The following TMPRSS7 variants were observed in gnomAD, a reference collection of about 807,000 sequenced individuals.
TMPRSS7 encodes the protein transmembrane serine protease 7.
A neutral mutation model predicts 95.6 loss-of-function variants in TMPRSS7; 81 were observed. That is an observed-to-expected ratio of 0.85 (90% CI 0.71 to 1.02). The LOEUF is 1.02. Among genes scored for constraint, TMPRSS7 ranks in the 50% least tolerant of loss-of-function variants. TMPRSS7 has a pLI of 0.00. For synonymous variants in TMPRSS7, 364 were observed against 337.8 expected, an observed-to-expected ratio of 1.08 and a Z score of -0.85; for missense variants, 945 against 955.2, an observed-to-expected ratio of 0.99 and a Z score of 0.14.
chr3:112,046,839 T>C, intron 5 of TMPRSS7, 135 bp from the exon 6 acceptor site: 3 of 638,634 alleles, frequency 4.7e-6, no homozygotes, highest in Non-Finnish European at 8.4e-6. Flanking sequence ...TCATCCTCAC[T>C]GGATTATTTT....
Position 112,038,698 on chromosome 3 carries a change from T to C in TMPRSS7, c.298+377T>C, listed in dbSNP as rs7615871. Among the ~76,000 whole-genome samples, 548 of 152,278 alleles carry C rather than the reference T, an allele frequency of 3.6e-3. 9 individuals carry two copies. The highest frequency in any genetic ancestry group is 0.012 in the African/African-American group (486 of 41,558). On this transcript the variant is annotated intron_variant, in intron 2 of 17. Coordinates refer to ENST00000452346, the Ensembl canonical transcript of TMPRSS7. ...GTTCTCACTATGATGCCCAGGCTGG[T>C]CCCAAACTCCTGTACTCAAACAATC...
intron 17 of TMPRSS7, among the ~76,000 whole-genome samples, chr3:112,080,565 CTA>C (rs776165504): frequency 0.014 from 931 of 68,660 alleles, 6 homozygotes; most frequent in Non-Finnish European, 0.022. Flanking sequence ...ACTACTACTA[CTA>C]CTATTACCAC....
chr3:112,067,562 T>G (rs551659855), intron 13 of TMPRSS7, among the ~76,000 whole-genome samples: 6 of 152,228 alleles, frequency 3.9e-5, no homozygotes, highest in Non-Finnish European at 7.3e-5. Flanking sequence ...GTTTTGATTT[T>G]CATTTCTCTG....
intron 7 of TMPRSS7, 95 bp from the exon 8 acceptor site, chr3:112,049,749 G>A: frequency 9.4e-7 from 1 of 1,064,916 alleles, no homozygotes; most frequent in Admixed American, 2.7e-5. Context: ...GGATTGAATG[G>A]ATGGCCCAGG....
intron 10 of TMPRSS7, among the ~76,000 whole-genome samples, chr3:112,061,278 C>T (rs561880205): frequency 8.5e-5 from 13 of 152,266 alleles, no homozygotes; most frequent in East Asian, 1.9e-4. Flanking sequence ...ATATTGGAGA[C>T]GGACATTAAT....
Position 112,045,987 on chromosome 3 carries a change from C to G in TMPRSS7, c.691+44C>G, listed in dbSNP as rs776475324. On this transcript the variant is annotated intron_variant, in intron 5 of 17. Coordinates refer to ENST00000452346, the Ensembl canonical transcript of TMPRSS7. ...TCCTTTAGCATTCCTTCCTGCAGGA[C>G]TCCTGATACTTGCCATGATTATAGT... The G allele has an allele frequency of 2.1e-6, 3 of 1,442,542 alleles. No individual in the cohort carries two copies. In the South Asian group the frequency reaches 3.9e-5, roughly 19 times the overall value. 89.4% of individuals were successfully genotyped at this position (1,442,542 alleles called of 1,614,324 possible).
exon 18 of TMPRSS7, chr3:112,080,999 G>T (rs2073772184): frequency 6.2e-7 from 1 of 1,613,872 alleles, no homozygotes; most frequent in Non-Finnish European, 8.5e-7. Context: ...GGACATGGAA[G>T]TGGACGACCA....
chr3:112,055,125 C>T (rs2073416314), intron 9 of TMPRSS7, among the ~76,000 whole-genome samples: 3 of 152,076 alleles, frequency 2.0e-5, no homozygotes, highest in South Asian at 2.1e-4. Flanking sequence ...CCTGGGTTTT[C>T]GGTAAACATA....
At chr3:112,045,979 C>T in intron 5 of TMPRSS7, 36 bp downstream of exon 5, 1 of 1,489,564 alleles carries the variant, frequency 6.7e-7, no homozygotes, top group South Asian at 1.3e-5. Flanking sequence ...GCATTCCTTC[C>T]TGCAGGACTC....
At chr3:112,068,155 G>A (rs888397498) in intron 13 of TMPRSS7, among the ~76,000 whole-genome samples, 1 of 152,160 alleles carries the variant, frequency 6.6e-6, no homozygotes, top group African/African-American at 2.4e-5. Flanking sequence ...TGTTATTTCT[G>A]AGGTCTCTGT....
chr3:112,055,656 G>A (rs2073424772), intron 9 of TMPRSS7, among the ~76,000 whole-genome samples: 1 of 152,024 alleles, frequency 6.6e-6, no homozygotes, highest in Admixed American at 6.6e-5. Flanking sequence ...CAATAAGGCT[G>A]AACAAAAAGG....
intron 10 of TMPRSS7, among the ~76,000 whole-genome samples, chr3:112,059,746 T>G (rs2073476537): frequency 6.6e-6 from 1 of 152,214 alleles, no homozygotes; most frequent in South Asian, 2.1e-4. Context: ...TATCAGTTCC[T>G]GTACTTCAGC....
intron 9 of TMPRSS7, 103 bp from the exon 10 acceptor site, chr3:112,056,922 A>G (rs763473934): frequency 3.2e-5 from 23 of 730,032 alleles, no homozygotes; most frequent in Non-Finnish European, 4.3e-5. Flanking sequence ...ACTAAGGGCC[A>G]CAGGGCGCAA....
intron 9 of TMPRSS7, among the ~76,000 whole-genome samples, chr3:112,054,661 A>G (rs1183723357): frequency 6.7e-6 from 1 of 148,534 alleles, no homozygotes; most frequent in Non-Finnish European, 1.5e-5. Flanking sequence ...AGAAGATTGC[A>G]CTGGAAGATG....
chr3:112,049,749 G>C, intron 7 of TMPRSS7, 95 bp from the exon 8 acceptor site: 2 of 1,064,916 alleles, frequency 1.9e-6, no homozygotes, highest in Non-Finnish European at 2.6e-6. Context: ...GGATTGAATG[G>C]ATGGCCCAGG....
At chr3:112,072,636 C>T (rs560561218) in intron 13 of TMPRSS7, among the ~76,000 whole-genome samples, 1 of 152,268 alleles carries the variant, frequency 6.6e-6, no homozygotes, top group Non-Finnish European at 1.5e-5. Flanking sequence ...CCAGTTTGAG[C>T]TTCCTGGCTG....
At chr3:112,072,177 T>C (rs1286907621) in intron 13 of TMPRSS7, among the ~76,000 whole-genome samples, 1 of 152,236 alleles carries the variant, frequency 6.6e-6, no homozygotes, top group Non-Finnish European at 1.5e-5. Context: ...CCTTTCTGTT[T>C]GTTAGTTTTG....
exon 18 of TMPRSS7, chr3:112,080,978 T>A: frequency 6.2e-7 from 1 of 1,613,946 alleles, no homozygotes; most frequent in Non-Finnish European, 8.5e-7. Flanking sequence ...TTGACTGGCA[T>A]TGTTAGCTGG....
Position 112,054,885 on chromosome 3 carries a change from G to T in TMPRSS7, c.1204-2140G>T, listed in dbSNP as rs144012692. Among the ~76,000 whole-genome samples, 583 of 151,502 alleles carry T rather than the reference G, an allele frequency of 3.8e-3. 3 individuals are homozygous for T. The highest frequency in any genetic ancestry group is 0.013 in the African/African-American group (557 of 41,302). ...CTCCCGAGTAGGTGGGACTACAGGC[G>T]CCCGCCACCAAGTCCAGCTAATTTT... is the stretch of plus-strand genomic sequence containing the variant. On this transcript the variant is annotated intron_variant, in intron 9 of 17. Coordinates refer to ENST00000452346, the Ensembl canonical transcript of TMPRSS7.
Sources: allele counts gnomAD v4.1 joint callset (sites outside exome capture counted in the v4.1 genomes callset), GRCh38; gene constraint gnomAD v4.1.1; transcripts MANE v1.5; gene names NCBI Gene and HGNC (gene_info 2026-07-23, HGNC 2026-07-21).